ABCA13: variants seen among roughly 807,000 people sequenced by gnomAD.
ABCA13 encodes the protein ATP binding cassette subfamily A member 13.
Under a neutral mutation model 478.7 loss-of-function variants are expected in ABCA13, and 476 were observed. The observed-to-expected ratio is 0.99, with a 90% CI of 0.92 to 1.07. ABCA13 has a LOEUF of 1.07. Ranked by LOEUF, ABCA13 falls within the 50% of genes least tolerant of loss-of-function variation. The probability of loss-of-function intolerance (pLI) is 0.00; values close to 1 mark genes in which losing one functional copy is unlikely to be tolerated. For synonymous variants in ABCA13, 2,252 were observed against 2,158.9 expected (o/e 1.04, Z -1.20); for missense variants, 6,060 against 5,910.6 (o/e 1.03, Z -0.83).
intron 45 of ABCA13, among the ~76,000 whole-genome samples, chr7:48,479,232 G>A (rs116126541): frequency 0.022 from 3,366 of 149,634 alleles, 127 homozygotes; most frequent in African/African-American, 0.078. Flanking sequence ...TACTCTTTTA[G>A]CAATTTTCCT....
intron 48 of ABCA13, among the ~76,000 whole-genome samples, chr7:48,497,771 G>A (rs951010534): frequency 1.3e-5 from 2 of 152,132 alleles, no homozygotes; most frequent in Admixed American, 6.6e-5. Context: ...GGGGAGTAGA[G>A]TCTGCTCCCC....
intron 57 of ABCA13, among the ~76,000 whole-genome samples, chr7:48,588,020 T>A (rs2131398978): frequency 6.6e-6 from 1 of 152,256 alleles, no homozygotes; most frequent in Non-Finnish European, 1.5e-5. Context: ...GTCTGAGGGG[T>A]GTCAAAAAGT....
At chr7:48,485,185 C>G (rs1237099954) in intron 47 of ABCA13, among the ~76,000 whole-genome samples, 2 of 151,830 alleles carry the variant, frequency 1.3e-5, no homozygotes, top group South Asian at 2.1e-4. Flanking sequence ...TTTCATAGTT[C>G]TGTTCTCCCA....
chr7:48,592,997 T>C (rs1023433732), intron 57 of ABCA13, among the ~76,000 whole-genome samples: 4 of 152,018 alleles, frequency 2.6e-5, no homozygotes, highest in African/African-American at 9.7e-5. Context: ...CAGCATAAGA[T>C]TGGATCTTGG....
chr7:48,284,320 G>C (rs1435703112), intron 19 of ABCA13, among the ~76,000 whole-genome samples: 1 of 152,056 alleles, frequency 6.6e-6, no homozygotes, highest in Non-Finnish European at 1.5e-5. Flanking sequence ...TAGGGGTTTT[G>C]CATGTTTTTT....
intron 38 of ABCA13, among the ~76,000 whole-genome samples, chr7:48,395,732 A>G (rs1816752721): frequency 6.6e-6 from 1 of 152,054 alleles, no homozygotes; most frequent in Non-Finnish European, 1.5e-5. Context: ...TTTAAATAAC[A>G]TTTTTTTCCT....
chr7:48,643,595 C>T (rs987243990), intron 60 of ABCA13, among the ~76,000 whole-genome samples: 6 of 152,172 alleles, frequency 3.9e-5, no homozygotes, highest in Non-Finnish European at 8.8e-5. Flanking sequence ...AGTGACAAGC[C>T]TGCTTAATTG....
chr7:48,321,693 C>T (rs1452286710), intron 27 of ABCA13, among the ~76,000 whole-genome samples: 3 of 152,086 alleles, frequency 2.0e-5, no homozygotes, highest in South Asian at 2.1e-4. Flanking sequence ...GCCGTGAGAG[C>T]GAGGTGGCCT....
intron 3 of ABCA13, among the ~76,000 whole-genome samples, chr7:48,209,814 T>G (rs772707172): frequency 1.3e-5 from 2 of 152,216 alleles, no homozygotes; most frequent in Non-Finnish European, 2.9e-5. Flanking sequence ...TTTGAATCTT[T>G]GTGGCATCAG....
At chr7:48,361,356 C>T (rs1810806366) in intron 31 of ABCA13, among the ~76,000 whole-genome samples, 1 of 151,468 alleles carries the variant, frequency 6.6e-6, no homozygotes, top group Admixed American at 6.6e-5. Flanking sequence ...CCTACTCATC[C>T]TCCTTCATTC....
chr7:48,398,915 G>T (rs1011555989), intron 38 of ABCA13, among the ~76,000 whole-genome samples: 6 of 152,122 alleles, frequency 3.9e-5, no homozygotes, highest in African/African-American at 7.2e-5. Context: ...TGGAAGACAA[G>T]GAAGTGAACC....
intron 55 of ABCA13, among the ~76,000 whole-genome samples, chr7:48,538,341 T>C (rs1833735568): frequency 1.3e-5 from 2 of 152,146 alleles, no homozygotes; most frequent in African/African-American, 4.8e-5. Flanking sequence ...CCTCAGGTGA[T>C]CCACCCACCT....
intron 7 of ABCA13, among the ~76,000 whole-genome samples, chr7:48,232,248 G>A (rs1047796763): frequency 4.2e-5 from 6 of 141,924 alleles, no homozygotes; most frequent in African/African-American, 1.6e-4. Context: ...TATTTCTTAT[G>A]CTGAGAACAA....
rs1177125083 is a variant in ABCA13, at chr7:48,279,847, T to A, written c.8653T>A (p.Cys2885Ser). The change falls in exon 18 of 62, where the codon TGT becomes AGT. Residue 2885 changes from cysteine (C) to serine (S), a missense_variant. By Grantham distance (112) the Cys-to-Ser change is moderately radical. Coordinates refer to ENST00000435803, the MANE Select transcript of ABCA13 (RefSeq NM_152701.5). ...DFPYSFKPFF[C>S]LEKYLGGLFV... ...TCCTTATAGTTTCAAACCATTTTTC[T>A]GTTTGGAGAAATACCTGGGAGGATT... The A allele has an allele frequency of 2.5e-6, 4 of 1,569,860 alleles. No homozygotes were observed. The highest frequency in any genetic ancestry group is 1.7e-4 in the Middle Eastern group (1 of 5,796).
At chr7:48,341,512 T>C (rs755160451) in intron 29 of ABCA13, among the ~76,000 whole-genome samples, 1 of 152,148 alleles carries the variant, frequency 6.6e-6, no homozygotes, top group Non-Finnish European at 1.5e-5. Flanking sequence ...TTTTACTCAG[T>C]AAAGTAAAAT....
In ABCA13 at chr7:48,295,680, A is replaced by G; in HGVS notation, c.8956-20A>G. ...ATAAGTATGTGTGCTTCTAACCTAT[A>G]TCATTGCTATGTTTTCTAGGAAATT... On this transcript the variant is annotated intron_variant, in intron 20 of 61. Transcript: ENST00000435803. 6.2e-7 allele frequency: 1 copy of G among 1,613,684 alleles called. No individual in the cohort carries two copies. Among genetic ancestry groups the G allele is most frequent in the Non-Finnish European group, 8.5e-7 (1 of 1,179,692 alleles).
intron 47 of ABCA13, among the ~76,000 whole-genome samples, chr7:48,483,459 T>C (rs943348885): frequency 6.6e-6 from 1 of 152,248 alleles, no homozygotes; most frequent in African/African-American, 2.4e-5. Context: ...ATTGGAAATA[T>C]CACTAGTTTC....
chr7:48,284,696 A>T (rs550841706), intron 19 of ABCA13, among the ~76,000 whole-genome samples: 1 of 152,328 alleles, frequency 6.6e-6, no homozygotes, highest in South Asian at 2.1e-4. Flanking sequence ...CATACTTGAG[A>T]TTACATTAGT....
chr7:48,528,320 C>T lies in ABCA13; in HGVS notation c.14329C>T (p.His4777Tyr), dbSNP rs1334592406. Residue 4777 changes from histidine (H) to tyrosine (Y), a missense_variant, in exon 55 of 62, where the codon CAT (histidine) becomes TAT (tyrosine). By Grantham distance (83) the His-to-Tyr change is moderately conservative. This residue lies in a region of ABCA13 where 1,627 missense variants were observed against 1,571.0 expected (regional missense o/e 1.04). Transcript: ENST00000435803. ...LNGEVSLTSGHAIIRTPMGDA... is the reference protein window; with the variant it reads ...LNGEVSLTSGYAIIRTPMGDA... ...TGGTGAAGTTTCTCTAACTTCAGGA[C>T]ATGCTATCATCAGGACTCCCATGGG... 1 of 1,567,584 alleles carries T rather than the reference C, an allele frequency of 6.4e-7. No individual in the cohort carries two copies. Among genetic ancestry groups the T allele is most frequent in the East Asian group, 2.3e-5 (1 of 42,772 alleles).
Sources: gnomAD v4.1 joint callset for allele counts (sites outside exome capture counted in the v4.1 genomes callset) on GRCh38, gnomAD v4.1.1 for gene constraint, gnomAD v4.1.1 regional missense constraint, MANE v1.5 for transcripts, NCBI Gene and HGNC (gene_info 2026-07-23, HGNC 2026-07-21) for gene names.